Variants in CNTN6 observed in about 807,000 individuals in gnomAD.
CNTN6 encodes the protein contactin-6.
In CNTN6, 137 loss-of-function variants were observed where a neutral mutation model predicts 122.8. The ratio of observed to expected loss-of-function variants is 1.12; its 90% CI spans 0.97 to 1.29. The LOEUF (loss-of-function observed/expected upper bound fraction) is 1.29. Among genes scored for constraint, CNTN6 ranks in the 50% most tolerant of loss-of-function variants. The pLI is 0.00. For synonymous variants in CNTN6, 570 were observed against 426.0 expected (o/e 1.34, Z -4.16); for missense variants, 1,634 against 1,223.4 (o/e 1.34, Z -5.01).
At position 1,373,616 on chromosome 3, in the gene CNTN6, C is replaced by T. The variant is rs768070141; in HGVS notation, c.1799C>T (p.Pro600Leu). 5 of 1,611,364 alleles carry T rather than the reference C, an allele frequency of 3.1e-6. No individual in the cohort carries two copies. Among genetic ancestry groups the T allele is most frequent in the East Asian group, 2.2e-5 (1 of 44,782 alleles). ...ADIIVRGPPG[P>L]PEDVQVEDIS... ...CATTTTTTTCAAGGTCCACCAGGTC[C>T]TCCTGAGGATGTGCAAGTGGAAGAC... The change falls in exon 15 of 23, where the codon CCT becomes CTT. Residue 600 changes from proline (P) to leucine (L), a missense_variant. Pro to Leu is a moderately conservative substitution (Grantham distance 98, BLOSUM62 -3). Coordinates refer to ENST00000446702, the MANE Select transcript of CNTN6 (RefSeq NM_001289080.2).
chr3:1,177,813 C>A (rs2093478490), intron 2 of CNTN6, among the ~76,000 whole-genome samples: 1 of 150,190 alleles, frequency 6.7e-6, no homozygotes, highest in African/African-American at 2.4e-5. Flanking sequence ...GTAAGATTTT[C>A]TGTATGTCTT....
chr3:1,354,091 A>G (rs1706133296), intron 12 of CNTN6, among the ~76,000 whole-genome samples: 1 of 151,478 alleles, frequency 6.6e-6, no homozygotes, highest in African/African-American at 2.4e-5. Context: ...CATAATATTC[A>G]CAGTCCACTA....
At chr3:1,198,191 C>T (rs1279494002) in intron 2 of CNTN6, among the ~76,000 whole-genome samples, 1 of 151,706 alleles carries the variant, frequency 6.6e-6, no homozygotes, top group African/African-American at 2.4e-5. Flanking sequence ...AAAAAACAAA[C>T]AAAAAAAACT....
rs142952220 is a variant in CNTN6, at chr3:1,138,840, A to G, written c.-82-9087A>G. On this transcript the variant is annotated intron_variant, in intron 1 of 22. Transcript: ENST00000446702. ...TTACATATATGTATTATATATCTAT[A>G]TAATTATATGTTATATCTATTTGTA... Among the ~76,000 whole-genome samples the G allele has an allele frequency of 5.8e-3, 879 of 152,060 alleles. 7 individuals carry two copies. Among genetic ancestry groups the G allele is most frequent in the African/African-American group, 0.02 (829 of 41,500 alleles).
chr3:1,332,401 A>G (rs3821427), intron 11 of CNTN6, among the ~76,000 whole-genome samples: 78,252 of 151,584 alleles, frequency 0.52, 21,090 homozygotes, highest in East Asian at 0.77. Flanking sequence ...GTGTCAGACT[A>G]TTGCCTTTTT....
At chr3:1,321,895 G>A in intron 8 of CNTN6, 61 bp downstream of exon 8, 2 of 1,393,922 alleles carry the variant, frequency 1.4e-6, no homozygotes, top group South Asian at 2.8e-5. Flanking sequence ...ATAATAAATT[G>A]TGGAAGTCAT....
intron 19 of CNTN6, among the ~76,000 whole-genome samples, chr3:1,384,666 CTATATATA>C (rs539955358): frequency 0.039 from 4,481 of 113,536 alleles, 112 homozygotes; most frequent in South Asian, 0.061. Flanking sequence ...TTAATTTTGC[CTATATATA>C]TATATATATA....
At chr3:1,310,101 CA>C (rs568219266) in intron 7 of CNTN6, among the ~76,000 whole-genome samples, 210 of 124,674 alleles carry the variant, frequency 1.7e-3, no homozygotes, top group Non-Finnish European at 2.2e-3. Context: ...AATCTATATA[CA>C]TTTTTTTTGC....
intron 7 of CNTN6, among the ~76,000 whole-genome samples, chr3:1,303,063 T>A (rs1312373991): frequency 1.3e-5 from 2 of 152,136 alleles, no homozygotes; most frequent in Non-Finnish European, 2.9e-5. Context: ...CATCCCTCAT[T>A]TGTGTTATAA....
chr3:1,125,109 T>A (rs987557183), intron 1 of CNTN6, among the ~76,000 whole-genome samples: 3 of 152,006 alleles, frequency 2.0e-5, no homozygotes, highest in Non-Finnish European at 4.4e-5. Context: ...AAGAAATATG[T>A]TAATGTTTTA....
chr3:1,244,845 G>A (rs1046616500), intron 4 of CNTN6, among the ~76,000 whole-genome samples: 2 of 151,140 alleles, frequency 1.3e-5, no homozygotes, highest in South Asian at 2.1e-4. Flanking sequence ...ATTCTCAAGG[G>A]TGGGGAGAAT....
intron 11 of CNTN6, among the ~76,000 whole-genome samples, chr3:1,343,298 T>C (rs1704164112): frequency 6.6e-6 from 1 of 152,156 alleles, no homozygotes; most frequent in South Asian, 2.1e-4. Context: ...AGGTGGAATT[T>C]CAACTCTGTG....
At chr3:1,396,043 G>A (rs137964572) in intron 20 of CNTN6, among the ~76,000 whole-genome samples, 56 of 152,166 alleles carry the variant, frequency 3.7e-4, no homozygotes, top group African/African-American at 1.3e-3. Flanking sequence ...AAACTGCTTT[G>A]AAATTTTTCC....
chr3:1,098,790 ATATATAT>A (rs1389149569), intron 1 of CNTN6, among the ~76,000 whole-genome samples: 1 of 32,912 alleles, frequency 3.0e-5, no homozygotes, highest in East Asian at 1.5e-3. Context: ...ACACACACAC[ATATATAT>A]ATATATATAT....
chr3:1,121,148 A>G (rs977655926), intron 1 of CNTN6, among the ~76,000 whole-genome samples: 2 of 152,056 alleles, frequency 1.3e-5, no homozygotes, highest in Non-Finnish European at 1.5e-5. Context: ...TTTATTTTCT[A>G]TGTAACTCCC....
chr3:1,383,298 C>T lies in CNTN6; in HGVS notation c.2407C>T (p.Gln803Ter), dbSNP rs1235844234. 2.5e-6 allele frequency: 4 copies of T among 1,613,662 alleles called. No homozygotes were observed. Among genetic ancestry groups the T allele is most frequent in the Non-Finnish European group, 8.5e-7 (1 of 1,179,566 alleles). Residue 803 changes from glutamine (Q) to a stop codon, truncating the protein, a stop_gained, in exon 19 of 23, where the codon CAA becomes TAA. Coordinates refer to ENST00000446702, the MANE Select transcript of CNTN6 (RefSeq NM_001289080.2). LOFTEE classifies it high-confidence loss of function. Reference protein sequence around the residue: ...TIVYSGEDEPQLAPRGTSLQS... With the variant: ...TIVYSGEDEP ...TGTCTTTCTCTGGATGGTAGAACCTCAACTGGCCCCAAGGGGAACTTCTCT... is the reference window on the plus strand; with the variant it reads ...TGTCTTTCTCTGGATGGTAGAACCTTAACTGGCCCCAAGGGGAACTTCTCT...
rs542563371 is a variant in CNTN6 at position 1,191,984 on chromosome 3, A to G, written c.56-28703A>G. Among the ~76,000 whole-genome samples the G allele has an allele frequency of 4.6e-5, 7 of 152,188 alleles. No homozygotes were observed. The South Asian group carries it at 6.2e-4, about 13-fold the overall frequency. On this transcript the variant is annotated intron_variant, in intron 2 of 22. Transcript: ENST00000446702. The stretch of plus-strand genomic sequence containing the variant: ...ATTCTGATCACAATAATAGGTAAGC[A>G]GAGCCTCATTTTGACACCTACCTAC...
At chr3:1,215,445 A>G (rs999276098) in intron 2 of CNTN6, among the ~76,000 whole-genome samples, 3 of 151,878 alleles carry the variant, frequency 2.0e-5, no homozygotes, top group East Asian at 1.9e-4. Context: ...GCCTATTCCA[A>G]TTGATTTATT....
intron 20 of CNTN6, among the ~76,000 whole-genome samples, chr3:1,391,356 C>G (rs1463345634): frequency 9.1e-5 from 11 of 121,112 alleles, no homozygotes; most frequent in South Asian, 3.0e-4. Context: ...ATTCAACAAC[C>G]CTTCATGCTA....
Sources: allele counts gnomAD v4.1 joint callset (sites outside exome capture counted in the v4.1 genomes callset), GRCh38; gene constraint gnomAD v4.1.1; transcripts MANE v1.5; gene names NCBI Gene and HGNC (gene_info 2026-07-23, HGNC 2026-07-21).